The following IRF2BP2 variants were observed in gnomAD, a reference collection of about 807,000 sequenced individuals.
IRF2BP2 encodes interferon regulatory factor 2 binding protein 2.
IRF2BP2 carries 13 observed loss-of-function variants against 32.7 expected under a neutral mutation model. The ratio of observed to expected loss-of-function variants is 0.40; its 90% CI spans 0.26 to 0.63. The LOEUF is 0.63. IRF2BP2 is among the 30% of genes least tolerant of loss of function. The probability of loss-of-function intolerance (pLI) is 0.42; values close to 1 mark genes in which losing one functional copy is unlikely to be tolerated. For synonymous variants in IRF2BP2, 555 were observed against 384.6 expected, an observed-to-expected ratio of 1.44 and a Z score of -5.18; for missense variants, 980 against 830.6, an observed-to-expected ratio of 1.18 and a Z score of -2.21.
At position 234,608,561 on chromosome 1, in the gene IRF2BP2, G is replaced by C; in HGVS notation, c.934C>G (p.Leu312Val). Residue 312 changes from leucine to valine, a missense_variant, in exon 1 of 2, where the codon CTG (leucine) becomes GTG (valine). Coordinates refer to ENST00000366609, the MANE Select transcript of IRF2BP2 (RefSeq NM_182972.3). The stretch of plus-strand genomic sequence containing the variant: ...GGCCCCGAGTGGCCGTGCTGGTGCA[G>C]CGCCAGCAGCGTGTCGCGCACGGTC... Reference protein sequence around the residue: ...PKTVRDTLLALHQHGHSGPFE... With the variant: ...PKTVRDTLLAVHQHGHSGPFE... The C allele has an allele frequency of 6.2e-7, 1 of 1,609,004 alleles. No individual in the cohort carries two copies. Among genetic ancestry groups the C allele is most frequent in the Non-Finnish European group, 8.5e-7 (1 of 1,178,384 alleles).
rs1209485754 is a variant in IRF2BP2 at position 234,609,998 on chromosome 1, G to C, written c.-504C>G. ...CCGAGCGGCGGGGCATGCCGCGCCGGGGTGGCGGCGGCCGGGCGGCGTGGA... is the reference window on the plus strand; with the variant it reads ...CCGAGCGGCGGGGCATGCCGCGCCGCGGTGGCGGCGGCCGGGCGGCGTGGA... On this transcript the variant is annotated 5_prime_UTR_variant, in exon 1 of 2. Transcript: ENST00000366609. 6.9e-6 allele frequency among the ~76,000 whole-genome samples: 1 copy of C among 144,614 alleles called. No individual in the cohort carries two copies. Among genetic ancestry groups the C allele is most frequent in the African/African-American group, 2.5e-5 (1 of 40,420 alleles). The allele number at this position is 144,614 out of a possible 152,430, so 94.9% of individuals were successfully genotyped here. A position where few individuals can be genotyped will look rare whatever the true frequency, so the allele number is the denominator to read the frequency against.
Position 234,609,046 on chromosome 1 carries a change from G to A in IRF2BP2, c.449C>T (p.Pro150Leu). Residue 150 changes from proline to leucine, a missense_variant, in exon 1 of 2, where the codon CCG (proline) becomes CTG (leucine). Pro to Leu is a moderately conservative substitution (Grantham distance 98, BLOSUM62 -3). Coordinates refer to ENST00000366609, the MANE Select transcript of IRF2BP2 (RefSeq NM_182972.3). ...ASLAQPPTPQ[P>L]PPVNGILVPN... ...CACCAGGATGCCGTTCACGGGCGGCGGCTGCGGCGTCGGCGGCTGGGCCAG... is the reference window on the plus strand; with the variant it reads ...CACCAGGATGCCGTTCACGGGCGGCAGCTGCGGCGTCGGCGGCTGGGCCAG... The A allele has an allele frequency of 3.1e-6, 4 of 1,296,550 alleles. No individual in the cohort carries two copies. The highest frequency in any genetic ancestry group is 2.7e-5 in the South Asian group (1 of 37,372). 80.3% of individuals were successfully genotyped at this position (1,296,550 alleles called of 1,614,324 possible).
chr1:234,608,218 G>C (rs747576981), intron 1 of IRF2BP2: 7 of 528,394 alleles, frequency 1.3e-5, no homozygotes, highest in Non-Finnish European at 2.3e-5. Context: ...TGCTGGGAAA[G>C]GAAAACCCCG....
Position 234,608,782 on chromosome 1 carries a change from G to T in IRF2BP2, c.713C>A (p.Pro238Gln), listed in dbSNP as rs1349941621. Residue 238 changes from proline (P) to glutamine (Q), a missense_variant, in exon 1 of 2, where the codon CCG becomes CAG. Transcript: ENST00000366609. ...QPTDLGAHKRPASVSSSAAVE... is the reference protein window; with the variant it reads ...QPTDLGAHKRQASVSSSAAVE... ...GGCAGCGCTGCTCGACACGGATGCC[G>T]GCCGCTTGTGGGCGCCCAGATCGGT... is the stretch of plus-strand genomic sequence containing the variant. 2.1e-6 allele frequency: 3 copies of T among 1,442,090 alleles called. No individual in the cohort carries two copies. Among genetic ancestry groups the T allele is most frequent in the East Asian group, 3.0e-5 (1 of 33,290 alleles). 89.3% of individuals were successfully genotyped at this position (1,442,090 alleles called of 1,614,324 possible). A position where few individuals can be genotyped will look rare whatever the true frequency, so the allele number is the denominator to read the frequency against.
Position 234,608,728 on chromosome 1 carries a change from G to A in IRF2BP2, c.767C>T (p.Ala256Val), listed in dbSNP as rs1199061208. 9 of 1,501,220 alleles carry A rather than the reference G, an allele frequency of 6.0e-6. No individual in the cohort carries two copies. The highest frequency in any genetic ancestry group is 2.2e-5 in the Admixed American group (1 of 45,746). 93.0% of individuals were successfully genotyped at this position (1,501,220 alleles called of 1,614,324 possible). A position where few individuals can be genotyped will look rare whatever the true frequency, so the allele number is the denominator to read the frequency against. The change falls in exon 1 of 2, where the codon GCC becomes GTC. Residue 256 changes from alanine (A) to valine (V), a missense_variant. Physicochemically the swap from Ala to Val is moderately conservative, Grantham distance 64. Transcript: ENST00000366609. The stretch of plus-strand genomic sequence containing the variant: ...AGGCGGCGGCGGTTGTTTCTCCTTG[G>A]CTGCCGCCTCACGCTGCTCGTGCTC... Reference protein sequence around the residue: ...AVEHEQREAAAKEKQPPPPAH... With the variant: ...AVEHEQREAAVKEKQPPPPAH...
At position 234,609,104 on chromosome 1, in the gene IRF2BP2, A is replaced by G. The variant is rs1271981097; in HGVS notation, c.391T>C (p.Ser131Pro). Residue 131 changes from serine to proline, a missense_variant, in exon 1 of 2, where the codon TCT becomes CCT. Transcript: ENST00000366609. ...GCCGGGCGGCTGCTGCCGAAGTCAG[A>G]GCCGAGGCGCGGGGGCCTCTCGGCC... ...AAAERPPRLG[S>P]DFGSSRPAAS... 8 of 1,231,398 alleles carry G rather than the reference A, an allele frequency of 6.5e-6. No homozygotes were observed. The highest frequency in any genetic ancestry group is 1.6e-5 in the African/African-American group (1 of 63,468). 76.3% of individuals were successfully genotyped at this position (1,231,398 alleles called of 1,614,324 possible). A position where few individuals can be genotyped will look rare whatever the true frequency, so the allele number is the denominator to read the frequency against.
rs1180573834 is a variant in IRF2BP2 at position 234,608,805 on chromosome 1, G to A, written c.690C>T (p.Thr230=). The part of the protein sequence containing the change: ...AAASLGSAQP[T]DLGAHKRPAS... ...CCGGCCGCTTGTGGGCGCCCAGATC[G>A]GTGGGCTGCGCGGAGCCCAGGCTGG... The change falls in exon 1 of 2, where the codon ACC becomes ACT. Residue 230 remains threonine (T), a synonymous_variant. Coordinates refer to ENST00000366609, the MANE Select transcript of IRF2BP2 (RefSeq NM_182972.3). 5 of 1,409,150 alleles carry A rather than the reference G, an allele frequency of 3.5e-6. No individual in the cohort carries two copies. Among genetic ancestry groups the A allele is most frequent in the Non-Finnish European group, 3.7e-6 (4 of 1,090,600 alleles). 87.3% of individuals were successfully genotyped at this position (1,409,150 alleles called of 1,614,324 possible). A position where few individuals can be genotyped will look rare whatever the true frequency, so the allele number is the denominator to read the frequency against.
chr1:234,609,429 G>A lies in IRF2BP2; in HGVS notation c.66C>T (p.Pro22=), dbSNP rs756025089. The A allele has an allele frequency of 7.1e-6, 11 of 1,559,010 alleles. No homozygotes were observed. The highest frequency in any genetic ancestry group is 4.3e-5 in the African/African-American group (3 of 70,462). ...CCCAGATCATGGCCCAGGGCATGCGGGGCAGGTCACACAGGTAGCACGACT... is the reference window on the plus strand; with the variant it reads ...CCCAGATCATGGCCCAGGGCATGCGAGGCAGGTCACACAGGTAGCACGACT... ...RRQSCYLCDL[P]RMPWAMIWDF... Residue 22 remains proline, a synonymous_variant, in exon 1 of 2, where the codon CCC becomes CCT. Transcript: ENST00000366609.
Position 234,606,562 on chromosome 1 carries a change from T to C in IRF2BP2, c.*575A>G, listed in dbSNP as rs541899132. On this transcript the variant is annotated 3_prime_UTR_variant, in exon 2 of 2. Transcript: ENST00000366609. ...TCAGGAACTGAACTTTTGAGCAAAATAGAGATTCAAAATCCACTTTCCTAC... is the reference window on the plus strand; with the variant it reads ...TCAGGAACTGAACTTTTGAGCAAAACAGAGATTCAAAATCCACTTTCCTAC... The C allele has an allele frequency of 3.9e-5, 6 of 152,154 alleles. No homozygotes were observed. The highest frequency in any genetic ancestry group is 2.1e-4 in the South Asian group (1 of 4,834). 9.4% of individuals were successfully genotyped at this position (152,154 alleles called of 1,614,324 possible). A position where few individuals can be genotyped will look rare whatever the true frequency, so the allele number is the denominator to read the frequency against.
In IRF2BP2 at chr1:234,609,649, G is replaced by C. The variant is rs928098586; in HGVS notation, c.-155C>G. On this transcript the variant is annotated 5_prime_UTR_variant, in exon 1 of 2. Transcript: ENST00000366609. Reference sequence around the variant, plus strand: ...CGGCCGCAAAGGCGGCGGCGGCGGCGGCAAAGCCCGCGAAGGCTCGGCGCC... The same window carrying C: ...CGGCCGCAAAGGCGGCGGCGGCGGCCGCAAAGCCCGCGAAGGCTCGGCGCC... 3 of 261,630 alleles carry C rather than the reference G, an allele frequency of 1.1e-5. No individual in the cohort carries two copies. The highest frequency in any genetic ancestry group is 2.0e-5 in the Non-Finnish European group (3 of 149,902). The allele number at this position is 261,630 out of a possible 1,614,324, so 16.2% of individuals were successfully genotyped here.
At position 234,608,696 on chromosome 1, in the gene IRF2BP2, G is replaced by A. The variant is rs749758538; in HGVS notation, c.799C>T (p.Arg267Trp). ...GTGGACAGGCTGTCGGCCGGGCCCC[G>A]GTGCGCAGGCGGCGGCGGTTGTTTC... ...KEKQPPPPAH[R>W]GPADSLSTAA... Residue 267 changes from arginine to tryptophan, a missense_variant, in exon 1 of 2, where the codon CGG (arginine) becomes TGG (tryptophan). Arg to Trp is a moderately radical substitution (Grantham distance 101, BLOSUM62 -3). Coordinates refer to ENST00000366609, the MANE Select transcript of IRF2BP2 (RefSeq NM_182972.3). 5 of 1,504,740 alleles carry A rather than the reference G, an allele frequency of 3.3e-6. No individual in the cohort carries two copies. The highest frequency in any genetic ancestry group is 4.4e-6 in the Non-Finnish European group (5 of 1,137,426). 93.2% of individuals were successfully genotyped at this position (1,504,740 alleles called of 1,614,324 possible).
rs755347207 is a variant in IRF2BP2 at position 234,607,419 on chromosome 1, C to A, written c.1482G>T (p.Pro494=). The change falls in exon 2 of 2, where the codon CCG becomes CCT. Residue 494 remains proline (P), a synonymous_variant. Coordinates refer to ENST00000366609, the MANE Select transcript of IRF2BP2 (RefSeq NM_182972.3). The stretch of plus-strand genomic sequence containing the variant: ...GGGCACTGGTTGCCAGAGAGGAGTC[C>A]GGGAGGCTGGCAGGGTGCACTGGCT... ...GLEPVHPASL[P]DSSLATSAPL... The A allele has an allele frequency of 6.2e-7, 1 of 1,613,944 alleles. No homozygotes were observed.
At position 234,609,461 on chromosome 1, in the gene IRF2BP2, G is replaced by A. The variant is rs1243913618; in HGVS notation, c.34C>T (p.Arg12Trp). The change falls in exon 1 of 2, where the codon CGG (arginine) becomes TGG (tryptophan). Residue 12 changes from arginine (R) to tryptophan (W), a missense_variant. Physicochemically the swap from Arg to Trp is moderately radical, Grantham distance 101 (BLOSUM62 -3). Coordinates refer to ENST00000366609, the MANE Select transcript of IRF2BP2 (RefSeq NM_182972.3). ...TCACACAGGTAGCACGACTGCCGCC[G>A]GGACGCGGCCGCCACCGCCACCGCC... ...AAAVAVAAAS[R>W]RQSCYLCDLP... The A allele has an allele frequency of 5.3e-6, 8 of 1,523,400 alleles. No homozygotes were observed. The highest frequency in any genetic ancestry group is 2.8e-5 in the East Asian group (1 of 35,596). 94.4% of individuals were successfully genotyped at this position (1,523,400 alleles called of 1,614,324 possible).
chr1:234,607,332 G>C lies in IRF2BP2; in HGVS notation c.1569C>G (p.Ser523=), dbSNP rs370705081. The change falls in exon 2 of 2, where the codon TCC becomes TCG. Residue 523 remains serine, a synonymous_variant. Coordinates refer to ENST00000366609, the MANE Select transcript of IRF2BP2 (RefSeq NM_182972.3). The part of the protein sequence containing the change: ...LEDTHFVQCP[S]VPSHKFCFPC... ...GGAAGCAGAACTTGTGCGAAGGGAC[G>C]GACGGGCACTGCACAAAATGGGTGT... is the stretch of plus-strand genomic sequence containing the variant. 1 of 1,614,238 alleles carries C rather than the reference G, an allele frequency of 6.2e-7. No individual in the cohort carries two copies. Among genetic ancestry groups the C allele is most frequent in the South Asian group, 1.1e-5 (1 of 91,084 alleles).
chr1:234,608,902 G>A lies in IRF2BP2; in HGVS notation c.593C>T (p.Pro198Leu), dbSNP rs1571958465. 5.9e-6 allele frequency: 8 copies of A among 1,349,540 alleles called. No individual in the cohort carries two copies. Among genetic ancestry groups the A allele is most frequent in the South Asian group, 2.0e-5 (1 of 49,204 alleles). The allele number at this position is 1,349,540 out of a possible 1,614,324, so 83.6% of individuals were successfully genotyped here. The change falls in exon 1 of 2, where the codon CCG becomes CTG. Residue 198 changes from proline (P) to leucine (L), a missense_variant. Transcript: ENST00000366609. ...LVPLMNGSAT[P>L]LPTALGLGGR... is the part of the protein sequence containing the mutation. ...GCCGAGGCCGAGCGCGGTGGGCAGC[G>A]GCGTGGCCGAGCCGTTCATGAGCGG... is the stretch of plus-strand genomic sequence containing the variant.
Position 234,609,181 on chromosome 1 carries a change from T to G in IRF2BP2, c.314A>C (p.Glu105Ala). The change falls in exon 1 of 2, where the codon GAG becomes GCG. Residue 105 changes from glutamate (E) to alanine (A), a missense_variant. Glu to Ala is a moderately radical substitution (Grantham distance 107). Coordinates refer to ENST00000366609, the MANE Select transcript of IRF2BP2 (RefSeq NM_182972.3). ...QQQQLGHGGP[E>A]AAPRAPQALE... Reference sequence around the variant, plus strand: ...GGCCTGCGGCGCGCGCGGGGCCGCCTCGGGGCCGCCGTGGCCAAGCTGCTG... The same window carrying G: ...GGCCTGCGGCGCGCGCGGGGCCGCCGCGGGGCCGCCGTGGCCAAGCTGCTG... 1 of 1,287,238 alleles carries G rather than the reference T, an allele frequency of 7.8e-7. No individual in the cohort carries two copies. The highest frequency in any genetic ancestry group is 9.8e-7 in the Non-Finnish European group (1 of 1,021,706). 79.7% of individuals were successfully genotyped at this position (1,287,238 alleles called of 1,614,324 possible).
Position 234,605,037 on chromosome 1 carries a change from T to C in IRF2BP2, c.*2100A>G, listed in dbSNP as rs1571955154. On this transcript the variant is annotated 3_prime_UTR_variant, in exon 2 of 2. Coordinates refer to ENST00000366609, the MANE Select transcript of IRF2BP2 (RefSeq NM_182972.3). ...CCCTTTCCACAGCTGGATAGACTTATCCAAAACGGCAGGATGGTTCTGTAT... is the reference window on the plus strand; with the variant it reads ...CCCTTTCCACAGCTGGATAGACTTACCCAAAACGGCAGGATGGTTCTGTAT... 2 of 152,354 alleles carry C rather than the reference T, an allele frequency of 1.3e-5. No homozygotes were observed. The highest frequency in any genetic ancestry group is 2.9e-5 in the Non-Finnish European group (2 of 68,032). 9.4% of individuals were successfully genotyped at this position (152,354 alleles called of 1,614,324 possible).
chr1:234,609,394 T>G lies in IRF2BP2; in HGVS notation c.101A>C (p.Glu34Ala). The G allele has an allele frequency of 6.4e-7, 1 of 1,564,292 alleles. No homozygotes were observed. Among genetic ancestry groups the G allele is most frequent in the Non-Finnish European group, 8.6e-7 (1 of 1,157,830 alleles). Residue 34 changes from glutamate (E) to alanine (A), a missense_variant, in exon 1 of 2, where the codon GAA (glutamate) becomes GCA (alanine). By Grantham distance (107) the Glu-to-Ala change is moderately radical. Coordinates refer to ENST00000366609, the MANE Select transcript of IRF2BP2 (RefSeq NM_182972.3). ...GTTGACGCAGCCGCGGCAGACGGGT[T>G]CGGTGAAGTCCCAGATCATGGCCCA... is the stretch of plus-strand genomic sequence containing the variant. ...MPWAMIWDFTEPVCRGCVNYE... is the reference protein window; with the variant it reads ...MPWAMIWDFTAPVCRGCVNYE...
chr1:234,608,100 T>C, intron 1 of IRF2BP2: 3 of 553,348 alleles, frequency 5.4e-6, no homozygotes, highest in Non-Finnish European at 9.6e-6. Context: ...TAACTGCCTG[T>C]TTGTACACAT....
Sources: gnomAD v4.1 joint callset for allele counts (sites outside exome capture counted in the v4.1 genomes callset) on GRCh38, gnomAD v4.1.1 for gene constraint, MANE v1.5 for transcripts, NCBI Gene and HGNC (gene_info 2026-07-23, HGNC 2026-07-21) for gene names.